Variants in INPP5K observed in about 807,000 individuals in gnomAD.
INPP5K encodes the protein inositol polyphosphate 5-phosphatase K.
INPP5K carries 35 observed loss-of-function variants against 53.5 expected under a neutral mutation model. The observed-to-expected ratio is 0.65, with a 90% CI of 0.50 to 0.87. The LOEUF (loss-of-function observed/expected upper bound fraction) is 0.87. INPP5K is among the 40% of genes least tolerant of loss of function. The pLI is 0.00. For missense variants in INPP5K, 550 were observed against 586.2 expected (o/e 0.94, Z 0.64); for synonymous variants, 253 against 232.8 (o/e 1.09, Z -0.79).
chr17:1,514,105 C>G, intron 1 of INPP5K, 126 bp from the exon 2 acceptor site: 1 of 507,010 alleles, frequency 2.0e-6, no homozygotes, highest in Non-Finnish European at 3.5e-6. Flanking sequence ...GGCGGATCAC[C>G]TGAGGTCGGG....
At position 1,495,533 on chromosome 17, in the gene INPP5K, T is replaced by C. The variant is rs188477606; in HGVS notation, c.*290A>G. 3 of 388,962 alleles carry C rather than the reference T, an allele frequency of 7.7e-6. No individual in the cohort carries two copies. Among genetic ancestry groups the C allele is most frequent in the Non-Finnish European group, 1.4e-5 (3 of 214,454 alleles). 24.1% of individuals were successfully genotyped at this position (388,962 alleles called of 1,614,324 possible). ...ACTTGGGCAAGACTAGAAGAGGGGGTAGGAATCCAGAAATGAGACGCAGAA... is the reference window on the plus strand; with the variant it reads ...ACTTGGGCAAGACTAGAAGAGGGGGCAGGAATCCAGAAATGAGACGCAGAA... On this transcript the variant is annotated 3_prime_UTR_variant, in exon 12 of 12. Transcript: ENST00000421807.
chr17:1,508,162 C>A lies in INPP5K; in HGVS notation c.619G>T (p.Glu207Ter), dbSNP rs1168646246. ...CCGTAGCACCGATTTTTAATGGATT[C>A]CCGAACAAAGTGCAACCCAAAGTCC... is the stretch of plus-strand genomic sequence containing the variant. ...IEDFGLHFVR[E>*]SIKNRCYGGL... Residue 207 changes from glutamate to a stop codon, truncating the protein, a stop_gained, in exon 6 of 12, where the codon GAA (glutamate) becomes TAA (stop). Transcript: ENST00000421807. LOFTEE classifies it high-confidence loss of function. 1.2e-6 allele frequency: 2 copies of A among 1,614,000 alleles called. No homozygotes were observed. The highest frequency in any genetic ancestry group is 8.5e-7 in the Non-Finnish European group (1 of 1,180,004).
intron 1 of INPP5K, chr17:1,515,707 G>T: frequency 1.3e-6 from 1 of 774,082 alleles, no homozygotes; most frequent in Non-Finnish European, 1.6e-6. Context: ...GAAATTCTTG[G>T]CCAGTTTAAA....
rs754382772 is a variant in INPP5K, at chr17:1,507,100, A to T, written c.667-11T>A. On this transcript the variant is annotated splice_polypyrimidine_tract_variant and intron_variant, in intron 6 of 11. Transcript: ENST00000421807. ...CTTGGCAATGCTGAGCTGCAGACAA[A>T]GTCATAGTCCCCGTCTCCCAGTAGT... is the stretch of plus-strand genomic sequence containing the variant. 6.2e-7 allele frequency: 1 copy of T among 1,610,048 alleles called. No individual in the cohort carries two copies. Among genetic ancestry groups the T allele is most frequent in the East Asian group, 2.2e-5 (1 of 44,846 alleles).
At position 1,508,393 on chromosome 17, in the gene INPP5K, T is replaced by C. The variant is rs78061567; in HGVS notation, c.555-167A>G. ...GGTCCTCTGGAACTGTTCTCATGGCTCCTAAACCACCATTCAAACCGGAGA... is the reference window on the plus strand; with the variant it reads ...GGTCCTCTGGAACTGTTCTCATGGCCCCTAAACCACCATTCAAACCGGAGA... On this transcript the variant is annotated intron_variant, in intron 5 of 11. Coordinates refer to ENST00000421807, the MANE Select transcript of INPP5K (RefSeq NM_016532.4). 4,708 of 623,590 alleles carry C rather than the reference T, an allele frequency of 7.5e-3. 212 individuals are homozygous for C. The African/African-American group carries it at 0.077, about 10-fold the overall frequency. 38.6% of individuals were successfully genotyped at this position (623,590 alleles called of 1,614,324 possible).
chr17:1,495,530 G>T lies in INPP5K; in HGVS notation c.*293C>A. The T allele has an allele frequency of 2.5e-6, 1 of 397,652 alleles. No homozygotes were observed. The highest frequency in any genetic ancestry group is 4.6e-6 in the Non-Finnish European group (1 of 219,096). The allele number at this position is 397,652 out of a possible 1,614,324, so 24.6% of individuals were successfully genotyped here. On this transcript the variant is annotated 3_prime_UTR_variant, in exon 12 of 12. Coordinates refer to ENST00000421807, the MANE Select transcript of INPP5K (RefSeq NM_016532.4). ...ACTACTTGGGCAAGACTAGAAGAGG[G>T]GGTAGGAATCCAGAAATGAGACGCA...
chr17:1,514,117 G>A, intron 1 of INPP5K, 138 bp from the exon 2 acceptor site: 1 of 483,544 alleles, frequency 2.1e-6, no homozygotes. Context: ...GAGGTCGGGA[G>A]TTCGAGACAA....
chr17:1,507,251 C>A, intron 6 of INPP5K, 162 bp from the exon 7 acceptor site: 1 of 586,806 alleles, frequency 1.7e-6, no homozygotes, highest in South Asian at 2.1e-5. Context: ...GCAGCCCACT[C>A]CCACCAGAAA....
At chr17:1,513,364 G>A (rs1301493460) in intron 3 of INPP5K, 89 bp downstream of exon 3, 15 of 1,011,126 alleles carry the variant, frequency 1.5e-5, no homozygotes, top group African/African-American at 7.9e-5. Flanking sequence ...GGCTGAGCAG[G>A]AGTAAGAGGA....
chr17:1,512,046 T>C (rs1232561461), intron 3 of INPP5K, among the ~76,000 whole-genome samples: 2 of 152,116 alleles, frequency 1.3e-5, no homozygotes, highest in African/African-American at 4.8e-5. Context: ...GGGTCAGCCC[T>C]TCTCAGTCTA....
intron 7 of INPP5K, 41 bp downstream of exon 7, chr17:1,506,939 C>A: frequency 7.1e-7 from 1 of 1,408,780 alleles, no homozygotes; most frequent in African/African-American, 1.4e-5. Flanking sequence ...GTCAGTGTAA[C>A]CTGACTTCCT....
intron 3 of INPP5K, 53 bp from the exon 4 acceptor site, chr17:1,509,852 A>G: frequency 1.8e-6 from 2 of 1,091,030 alleles, no homozygotes; most frequent in Non-Finnish European, 2.8e-6. Context: ...GGCCAAGTGC[A>G]TCCCTTCCAA....
rs757926214 is a variant in INPP5K, at chr17:1,496,815, G to T, written c.964-12C>A. On this transcript the variant is annotated splice_polypyrimidine_tract_variant and intron_variant, in intron 8 of 11. Coordinates refer to ENST00000421807, the MANE Select transcript of INPP5K (RefSeq NM_016532.4). ...ACCAATGGCTTCAGCTAGACACGGG[G>T]GTGGGAAGGGGGCTGAATCTCGCAG... 6.2e-7 allele frequency: 1 copy of T among 1,613,280 alleles called. No homozygotes were observed. The highest frequency in any genetic ancestry group is 8.5e-7 in the Non-Finnish European group (1 of 1,179,606).
chr17:1,515,669 G>A (rs2075417153), intron 1 of INPP5K: 1 of 904,934 alleles, frequency 1.1e-6, no homozygotes, highest in Non-Finnish European at 1.3e-6. Context: ...CCCGTCCTTA[G>A]AGGTCGACGT....
At position 1,498,030 on chromosome 17, in the gene INPP5K, G is replaced by T. The variant is rs752588732; in HGVS notation, c.869C>A (p.Ala290Glu). Residue 290 changes from alanine (A) to glutamate (E), a missense_variant, in exon 8 of 12, where the codon GCG becomes GAG. Physicochemically the swap from Ala to Glu is moderately radical, Grantham distance 107. Coordinates refer to ENST00000421807, the MANE Select transcript of INPP5K (RefSeq NM_016532.4). ...CCTCAGAGACAAGGAGAAGTGTGAC[G>T]CCGGCGGTATGGGAGTGTCGGGGCC... ...CAGPDTPIPP[A>E]SHFSLSLRGY... The T allele has an allele frequency of 1.2e-6, 2 of 1,614,094 alleles. No individual in the cohort carries two copies. The highest frequency in any genetic ancestry group is 2.7e-5 in the African/African-American group (2 of 75,038).
chr17:1,509,873 A>G lies in INPP5K; in HGVS notation c.262-74T>C, dbSNP rs936478715. 3.5e-6 allele frequency: 3 copies of G among 867,278 alleles called. No homozygotes were observed. The African/African-American group carries it at 5.0e-5, about 15-fold the overall frequency. The allele number at this position is 867,278 out of a possible 1,614,324, so 53.7% of individuals were successfully genotyped here. A position where few individuals can be genotyped will look rare whatever the true frequency, so the allele number is the denominator to read the frequency against. The stretch of plus-strand genomic sequence containing the variant: ...GTGCATCCCTTCCAAGCTCCGTGCT[A>G]GGGACTCTAGAGAGCCCTCAGCTAC... On this transcript the variant is annotated intron_variant, in intron 3 of 11. Transcript: ENST00000421807.
At chr17:1,496,252 C>T in intron 10 of INPP5K, 67 bp downstream of exon 10, 1 of 1,499,906 alleles carries the variant, frequency 6.7e-7, no homozygotes, top group Non-Finnish European at 9.1e-7. Flanking sequence ...CACTCTGTTC[C>T]TTCCACAAGA....
In INPP5K at chr17:1,516,584, C is replaced by A. The variant is rs947373005; in HGVS notation, c.-85G>T. 9.3e-5 allele frequency: 133 copies of A among 1,433,760 alleles called. No homozygotes were observed. In the East Asian group the frequency reaches 3.7e-3, roughly 39 times the overall value. 88.8% of individuals were successfully genotyped at this position (1,433,760 alleles called of 1,614,324 possible). A position where few individuals can be genotyped will look rare whatever the true frequency, so the allele number is the denominator to read the frequency against. On this transcript the variant is annotated 5_prime_UTR_variant, in exon 1 of 12. Coordinates refer to ENST00000421807, the MANE Select transcript of INPP5K (RefSeq NM_016532.4). Reference sequence around the variant, plus strand: ...CGGCCAGAGCAGCCCTGCGGGCGGCCGGTCTCACGCGCCTAGCTGTCGCGG... The same window carrying A: ...CGGCCAGAGCAGCCCTGCGGGCGGCAGGTCTCACGCGCCTAGCTGTCGCGG...
In INPP5K at chr17:1,502,316, T is replaced by C. The variant is rs574154829; in HGVS notation, c.777-4194A>G. 5.3e-5 allele frequency among the ~76,000 whole-genome samples: 8 copies of C among 152,208 alleles called. No individual in the cohort carries two copies. In the East Asian group the frequency reaches 7.7e-4, roughly 15 times the overall value. On this transcript the variant is annotated intron_variant, in intron 7 of 11. Coordinates refer to ENST00000421807, the MANE Select transcript of INPP5K (RefSeq NM_016532.4). ...GTGAGTGGAGATCGCGCCACTGCAC[T>C]CCAGCCTGGGCGACAGAGCGAGACT...
Sources: gnomAD v4.1 joint callset for allele counts (sites outside exome capture counted in the v4.1 genomes callset) on GRCh38, gnomAD v4.1.1 for gene constraint, MANE v1.5 for transcripts, NCBI Gene and HGNC (gene_info 2026-07-23, HGNC 2026-07-21) for gene names.